REDIC1: variants seen among roughly 807,000 people sequenced by gnomAD.
REDIC1 encodes the protein HEI10 Interacting Protein 1.
At chr12:39,651,621 A>G in the REDIC1 span, among the ~76,000 whole-genome samples, 3 of 152,040 alleles carry the variant, frequency 2.0e-5, no homozygotes, top group African/African-American at 7.2e-5. Context: ...ATCTACTTAC[A>G]TTTCTGTTTG....
At chr12:39,876,723 T>C in the REDIC1 span, among the ~76,000 whole-genome samples, 1 of 152,170 alleles carries the variant, frequency 6.6e-6, no homozygotes, top group Non-Finnish European at 1.5e-5. Flanking sequence ...AAATAAAATG[T>C]ATCAGCTCAT....
At chr12:39,779,960 C>G in the REDIC1 span, among the ~76,000 whole-genome samples, 149,284 of 152,360 alleles carry the variant, frequency 0.98, 73,146 homozygotes, top group East Asian at 1. Flanking sequence ...GGCATACTTT[C>G]TTTATTGGAT....
At chr12:39,663,121 T>A in the REDIC1 span, among the ~76,000 whole-genome samples, 1 of 152,174 alleles carries the variant, frequency 6.6e-6, no homozygotes, top group South Asian at 2.1e-4. Context: ...GATATCAGAG[T>A]AATCCGGCTT....
At chr12:39,648,069 T>C in the REDIC1 span, 1 of 924,500 alleles carries the variant, frequency 1.1e-6, no homozygotes, top group South Asian at 2.9e-5. Context: ...TATTTACATT[T>C]TGAATTGCTA....
At chr12:39,896,565 T>C in the REDIC1 span, among the ~76,000 whole-genome samples, 82 of 106,838 alleles carry the variant, frequency 7.7e-4, 4 homozygotes, top group South Asian at 0.024. Flanking sequence ...TGTATACATA[T>C]ATGTATGTAT....
the REDIC1 span, among the ~76,000 whole-genome samples, chr12:39,734,336 C>T: frequency 9.9e-5 from 15 of 152,200 alleles, no homozygotes; most frequent in South Asian, 8.3e-4. Flanking sequence ...AGTTGCAGTC[C>T]GGAGCTGTTC....
chr12:39,849,506 G>A, the REDIC1 span, among the ~76,000 whole-genome samples: 5 of 152,170 alleles, frequency 3.3e-5, no homozygotes, highest in Non-Finnish European at 1.5e-5. Flanking sequence ...TTGTGAGGCT[G>A]TTTATTGAGG....
At chr12:39,849,968 T>C in the REDIC1 span, among the ~76,000 whole-genome samples, 3 of 152,302 alleles carry the variant, frequency 2.0e-5, no homozygotes, top group South Asian at 6.2e-4. Context: ...TTTAATCCTA[T>C]GGTTTAAAAT....
the REDIC1 span, among the ~76,000 whole-genome samples, chr12:39,698,739 C>T: frequency 6.6e-6 from 1 of 152,082 alleles, no homozygotes; most frequent in East Asian, 1.9e-4. Flanking sequence ...CCTGAATGAC[C>T]AGTGGGTCAA....
the REDIC1 span, chr12:39,802,310 A>G: frequency 1.3e-5 from 2 of 152,344 alleles, no homozygotes; most frequent in African/African-American, 4.8e-5. Flanking sequence ...CTGAATGACA[A>G]TAAGAAGCCA....
the REDIC1 span, among the ~76,000 whole-genome samples, chr12:39,742,450 C>T: frequency 3.3e-5 from 5 of 152,112 alleles, no homozygotes; most frequent in Non-Finnish European, 7.4e-5. Flanking sequence ...TCTGATTAAA[C>T]TTCAGAAATA....
At chr12:39,854,892 A>C in the REDIC1 span, among the ~76,000 whole-genome samples, 1 of 151,980 alleles carries the variant, frequency 6.6e-6, no homozygotes, top group Non-Finnish European at 1.5e-5. Context: ...GGTCTGAGAA[A>C]CTCCAACTCA....
At chr12:39,766,185 C>A in the REDIC1 span, among the ~76,000 whole-genome samples, 4 of 152,030 alleles carry the variant, frequency 2.6e-5, no homozygotes, top group South Asian at 2.1e-4. Flanking sequence ...TTTGGATTAT[C>A]CTTTCAGTAT....
the REDIC1 span, among the ~76,000 whole-genome samples, chr12:39,778,162 G>C: frequency 6.6e-6 from 1 of 152,124 alleles, no homozygotes; most frequent in Non-Finnish European, 1.5e-5. Context: ...AGGGGGACAA[G>C]AGACCCTTTC....
At chr12:39,683,813 G>A in the REDIC1 span, among the ~76,000 whole-genome samples, 583 of 152,078 alleles carry the variant, frequency 3.8e-3, 4 homozygotes, top group African/African-American at 0.013. Context: ...AAGGGAACAT[G>A]TATAGGAAGT....
the REDIC1 span, among the ~76,000 whole-genome samples, chr12:39,766,857 G>T: frequency 6.6e-6 from 1 of 151,958 alleles, no homozygotes; most frequent in Non-Finnish European, 1.5e-5. Flanking sequence ...ACATCTTTAG[G>T]CTTCGCTTCT....
the REDIC1 span, among the ~76,000 whole-genome samples, chr12:39,661,409 G>T: frequency 6.6e-6 from 1 of 151,830 alleles, no homozygotes; most frequent in Non-Finnish European, 1.5e-5. Flanking sequence ...GACTAGTGAC[G>T]TTGAGCATTT....
At chr12:39,641,311 G>C in the REDIC1 span, among the ~76,000 whole-genome samples, 1 of 151,908 alleles carries the variant, frequency 6.6e-6, no homozygotes, top group East Asian at 1.9e-4. Flanking sequence ...GTCATAACCT[G>C]TGTACTACTT....
chr12:39,683,129 C>T, the REDIC1 span: 81 of 1,595,886 alleles, frequency 5.1e-5, no homozygotes, highest in Non-Finnish European at 5.8e-5. Context: ...CCAAGCAGCT[C>T]TGAAAGAAAA....
Sources: allele counts gnomAD v4.1 joint callset (sites outside exome capture counted in the v4.1 genomes callset), GRCh38; gene constraint gnomAD v4.1.1; transcripts MANE v1.5; gene names NCBI Gene and HGNC (gene_info 2026-07-23, HGNC 2026-07-21).